The following CIDEC variants were observed in gnomAD, a reference collection of about 807,000 sequenced individuals.
CIDEC encodes the protein lipid transferase CIDEC.
CIDEC carries 11 observed loss-of-function variants against 21.9 expected under a neutral mutation model. The ratio of observed to expected loss-of-function variants is 0.50; its 90% CI spans 0.32 to 0.83. CIDEC has a LOEUF of 0.83. CIDEC is among the 40% of genes least tolerant of loss of function. The probability of loss-of-function intolerance (pLI) is 0.04; values close to 1 mark genes in which losing one functional copy is unlikely to be tolerated. For synonymous variants in CIDEC, 127 were observed against 124.9 expected, an observed-to-expected ratio of 1.02 and a Z score of -0.11; for missense variants, 302 against 302.3, an observed-to-expected ratio of 1.00 and a Z score of 0.01.
intron 6 of CIDEC, among the ~76,000 whole-genome samples, chr3:9,869,223 T>C (rs1168012927): frequency 6.6e-6 from 1 of 152,138 alleles, no homozygotes; most frequent in African/African-American, 2.4e-5. Flanking sequence ...CATTAATTAA[T>C]GAATTCAATT....
chr3:9,878,400 GCT>G lies in CIDEC; in HGVS notation c.53+32_53+33del, dbSNP rs1559253948. On this transcript the variant is annotated intron_variant, in intron 3 of 6. Transcript: ENST00000336832. ...AGTTCTGGCTTACAGCTCATAGGTG[GCT>G]CTCTTTCCATTCTGCCCATGACTTT... 4 of 1,492,654 alleles carry G rather than the reference GCT, an allele frequency of 2.7e-6. No individual in the cohort carries two copies. In the Admixed American group the frequency reaches 5.0e-5, roughly 19 times the overall value. 92.5% of individuals were successfully genotyped at this position (1,492,654 alleles called of 1,614,324 possible). A position where few individuals can be genotyped will look rare whatever the true frequency, so the allele number is the denominator to read the frequency against.
rs756426818 is a variant in CIDEC, at chr3:9,867,110, G to T, written c.*24C>A. ...GGCCCCCAGTCAGTCCTTCACTGGGGAAAGCTTCCAAGGACTTGGGCTTTC... is the reference window on the plus strand; with the variant it reads ...GGCCCCCAGTCAGTCCTTCACTGGGTAAAGCTTCCAAGGACTTGGGCTTTC... On this transcript the variant is annotated 3_prime_UTR_variant, in exon 7 of 7. Transcript: ENST00000336832. 4 of 1,612,284 alleles carry T rather than the reference G, an allele frequency of 2.5e-6. No individual in the cohort carries two copies. Among genetic ancestry groups the T allele is most frequent in the Non-Finnish European group, 3.4e-6 (4 of 1,179,794 alleles).
chr3:9,869,811 C>A, intron 6 of CIDEC, 71 bp downstream of exon 6: 1 of 1,416,778 alleles, frequency 7.1e-7, no homozygotes, highest in Non-Finnish European at 9.9e-7. Context: ...AAGGCTGAGT[C>A]CATGTGGACA....
intron 1 of CIDEC, 106 bp from the exon 2 acceptor site, chr3:9,879,160 A>ATTTTTTTT (rs1559254612): frequency 4.1e-5 from 3 of 72,696 alleles, no homozygotes; most frequent in Admixed American, 1.4e-4. Context: ...TCAGGAGCTG[A>ATTTTTTTT]ATTTTTTTTT....
chr3:9,872,951 TG>T (rs2082369401), intron 4 of CIDEC, among the ~76,000 whole-genome samples: 1 of 152,182 alleles, frequency 6.6e-6, no homozygotes, highest in South Asian at 2.1e-4. Context: ...ATTGCACCAC[TG>T]CACTCCAGCC....
At chr3:9,869,179 C>T (rs1388369465) in intron 6 of CIDEC, among the ~76,000 whole-genome samples, 1 of 152,088 alleles carries the variant, frequency 6.6e-6, no homozygotes, top group Non-Finnish European at 1.5e-5. Context: ...TTGAAATCTC[C>T]TTTGAGCTGA....
chr3:9,871,711 T>C (rs279599), intron 4 of CIDEC, among the ~76,000 whole-genome samples: 120,005 of 151,912 alleles, frequency 0.79, 47,483 homozygotes, highest in Middle Eastern at 0.84. Flanking sequence ...CTCACCGCAA[T>C]CCCCACCTCC....
rs201565574 is a variant in CIDEC, at chr3:9,877,155, G to A, written c.118C>T (p.Pro40Ser). ...QLLSEPSPKA[P>S]RARPCRVSTA... is the part of the protein sequence containing the mutation. ...CTTACGCGGCAGGGCCGGGCCCTGGGGGCCTTGGGGCTGGGCTCCGACAGC... is the reference window on the plus strand; with the variant it reads ...CTTACGCGGCAGGGCCGGGCCCTGGAGGCCTTGGGGCTGGGCTCCGACAGC... The change falls in exon 4 of 7, where the codon CCC becomes TCC. Residue 40 changes from proline to serine, a missense_variant. By Grantham distance (74) the Pro-to-Ser change is moderately conservative. Coordinates refer to ENST00000336832, the MANE Select transcript of CIDEC (RefSeq NM_001321142.2). The A allele has an allele frequency of 3.2e-4, 502 of 1,551,642 alleles. 4 individuals are homozygous for A. Among genetic ancestry groups the A allele is most frequent in the Non-Finnish European group, 2.6e-4 (295 of 1,147,182 alleles).
chr3:9,878,704 C>T (rs2082464492), intron 2 of CIDEC, 193 bp from the exon 3 acceptor site: 1 of 1,511,854 alleles, frequency 6.6e-7, no homozygotes, highest in East Asian at 2.5e-5. Context: ...AGCTGGAGAC[C>T]CCACCCCTCT....
intron 4 of CIDEC, among the ~76,000 whole-genome samples, chr3:9,872,429 C>T (rs1466690915): frequency 6.6e-6 from 1 of 152,190 alleles, no homozygotes; most frequent in African/African-American, 2.4e-5. Flanking sequence ...CCTGCCTCCA[C>T]CTCCCGAAGT....
intron 4 of CIDEC, among the ~76,000 whole-genome samples, chr3:9,872,860 G>C (rs765158185): frequency 9.2e-5 from 14 of 151,998 alleles, no homozygotes; most frequent in Non-Finnish European, 1.8e-4. Flanking sequence ...GTGGTGGTGC[G>C]CGCCTGTAGT....
At chr3:9,877,272 C>A (rs2082439744) in intron 3 of CIDEC, 53 bp from the exon 4 acceptor site, 4 of 1,540,396 alleles carry the variant, frequency 2.6e-6, no homozygotes, top group Non-Finnish European at 2.6e-6. Context: ...AACCCTTGCC[C>A]ACCACACAGG....
At chr3:9,876,670 T>C (rs1296652592) in intron 4 of CIDEC, among the ~76,000 whole-genome samples, 2 of 148,280 alleles carry the variant, frequency 1.3e-5, no homozygotes, top group Admixed American at 1.4e-4. Context: ...GGCAGGAGAA[T>C]CGCTTGATTC....
At chr3:9,875,866 T>C (rs2082415304) in intron 4 of CIDEC, among the ~76,000 whole-genome samples, 1 of 152,214 alleles carries the variant, frequency 6.6e-6, no homozygotes, top group Non-Finnish European at 1.5e-5. Context: ...CAAGGACACT[T>C]TGATGCAGGG....
chr3:9,875,505 C>T, intron 4 of CIDEC, among the ~76,000 whole-genome samples: 1 of 152,068 alleles, frequency 6.6e-6, no homozygotes, highest in African/African-American at 2.4e-5. Context: ...AAAAACTGTT[C>T]CATACTGAAG....
chr3:9,877,556 C>T (rs369280977), intron 3 of CIDEC, among the ~76,000 whole-genome samples: 9 of 152,130 alleles, frequency 5.9e-5, no homozygotes, highest in African/African-American at 1.2e-4. Context: ...CTCCATAGGC[C>T]GGGACACAAG....
chr3:9,870,239 G>A lies in CIDEC; in HGVS notation c.291C>T (p.Tyr97=), dbSNP rs763504070. 7 of 1,614,126 alleles carry A rather than the reference G, an allele frequency of 4.3e-6. No homozygotes were observed. Among genetic ancestry groups the A allele is most frequent in the South Asian group, 1.1e-5 (1 of 91,086 alleles). The change falls in exon 5 of 7, where the codon TAC becomes TAT. Residue 97 remains tyrosine, a synonymous_variant. Transcript: ENST00000336832. ...EDGTTVETEE[Y]FQALAGDTVF... is the part of the protein sequence containing the mutation. Reference sequence around the variant, plus strand: ...CTGTATCCCCTGCCAGGGCTTGGAAGTACTCTTCTGTCTCTACAGTTGTGC... The same window carrying A: ...CTGTATCCCCTGCCAGGGCTTGGAAATACTCTTCTGTCTCTACAGTTGTGC...
intron 4 of CIDEC, chr3:9,870,544 T>G: frequency 1.5e-6 from 2 of 1,366,784 alleles, no homozygotes; most frequent in South Asian, 2.5e-5. Flanking sequence ...ACAGTTTACA[T>G]ACTCTAAAAG....
At chr3:9,876,772 A>AC (rs756918223) in intron 4 of CIDEC, among the ~76,000 whole-genome samples, 3 of 93,470 alleles carry the variant, frequency 3.2e-5, no homozygotes, top group African/African-American at 1.2e-4. Context: ...AAAAAAAAAA[A>AC]AAAAAAAAAA....
Sources: allele counts gnomAD v4.1 joint callset (sites outside exome capture counted in the v4.1 genomes callset), GRCh38; gene constraint gnomAD v4.1.1; transcripts MANE v1.5; gene names NCBI Gene and HGNC (gene_info 2026-07-23, HGNC 2026-07-21).